Variants in BPTF observed in about 807,000 individuals in gnomAD.
BPTF encodes the protein bromodomain PHD finger transcription factor.
Under a neutral mutation model 292.5 loss-of-function variants are expected in BPTF, and 18 were observed. The ratio of observed to expected loss-of-function variants is 0.06; its 90% CI spans 0.04 to 0.09. The LOEUF (loss-of-function observed/expected upper bound fraction) is 0.09. Ranked by LOEUF, BPTF falls within the 10% of genes least tolerant of loss-of-function variation. The pLI, the probability that BPTF is intolerant of heterozygous loss-of-function variation, is 1.00. For missense variants in BPTF, 2,726 were observed against 3,498.7 expected (o/e 0.78, Z 5.57); for synonymous variants, 1,225 against 1,251.9 (o/e 0.98, Z 0.45).
chr17:67,875,110 G>C (rs2059975796), intron 4 of BPTF, 90 bp downstream of exon 4: 1 of 1,069,326 alleles, frequency 9.4e-7, no homozygotes, highest in Non-Finnish European at 1.4e-6. Context: ...GTGAAATATT[G>C]CAAGCAGCTA....
At chr17:67,952,968 CT>C (rs1269866010) in intron 23 of BPTF, among the ~76,000 whole-genome samples, 11 of 151,218 alleles carry the variant, frequency 7.3e-5, no homozygotes, top group Admixed American at 5.9e-4. Context: ...TTGTTCTTTA[CT>C]TTTTTTTTCG....
At chr17:67,918,675 C>A in intron 11 of BPTF, 39 bp from the exon 12 acceptor site, 1 of 1,579,006 alleles carries the variant, frequency 6.3e-7, no homozygotes, top group Non-Finnish European at 8.7e-7. Flanking sequence ...TATGTATATA[C>A]ATATAGATAT....
chr17:67,874,138 T>C (rs550769758), intron 3 of BPTF, among the ~76,000 whole-genome samples: 1 of 152,272 alleles, frequency 6.6e-6, no homozygotes, highest in African/African-American at 2.4e-5. Flanking sequence ...CCAAAGAATA[T>C]AATTAATATC....
At chr17:67,951,604 A>G (rs1406203328) in intron 23 of BPTF, 1 of 152,226 alleles carries the variant, frequency 6.6e-6, no homozygotes, top group Admixed American at 6.5e-5. Context: ...TTGCCCTTCA[A>G]AGCCAACAAA....
intron 1 of BPTF, among the ~76,000 whole-genome samples, chr17:67,852,801 T>G (rs570508208): frequency 3.7e-4 from 57 of 152,308 alleles, no homozygotes; most frequent in Admixed American, 1.8e-3. Flanking sequence ...GTTTGCCAAA[T>G]TACCTTCTAA....
intron 24 of BPTF, among the ~76,000 whole-genome samples, chr17:67,961,185 CACA>C (rs1379421650): frequency 6.6e-6 from 1 of 152,206 alleles, no homozygotes; most frequent in Non-Finnish European, 1.5e-5. Context: ...TGATTTCACA[CACA>C]ACTTCTTTGA....
Position 67,826,024 on chromosome 17 carries a change from C to T in BPTF, c.300C>T (p.Gly100=). Residue 100 remains glycine, a synonymous_variant, in exon 1 of 28, where the codon GGC becomes GGT. Transcript: ENST00000306378. The stretch of plus-strand genomic sequence containing the variant: ...GGGGGGGGCGAGGAGGCGGGGGCGG[C>T]AGGACGGGGGGCGGGGGCGGCGGCG... ...PGRGGRGGGG[G]RTGGGGGGGH... 2.5e-6 allele frequency: 3 copies of T among 1,188,536 alleles called. No individual in the cohort carries two copies. In the South Asian group the frequency reaches 1.2e-4, roughly 46 times the overall value. The allele number at this position is 1,188,536 out of a possible 1,614,324, so 73.6% of individuals were successfully genotyped here.
rs768345781 is a variant in BPTF, at chr17:67,911,158, G to A, written c.3274G>A (p.Gly1092Arg). The change falls in exon 11 of 28, where the codon GGA (glycine) becomes AGA (arginine). Residue 1092 changes from glycine (G) to arginine (R), a missense_variant. By Grantham distance (125) the Gly-to-Arg change is moderately radical. Around this residue, in one of 22 missense-constraint regions of BPTF, gnomAD observed 713 missense variants for 714.9 expected, o/e 1.00. Transcript: ENST00000306378. ...GTTGGAGGGTGGAATTAAGGGTATA[G>A]GAAAGACTTCTACAAATTCTTCAAA... ...IKLEGGIKGI[G>R]KTSTNSSKNL... 6 of 1,613,900 alleles carry A rather than the reference G, an allele frequency of 3.7e-6. No individual in the cohort carries two copies. Among genetic ancestry groups the A allele is most frequent in the Non-Finnish European group, 5.1e-6 (6 of 1,179,984 alleles).
intron 4 of BPTF, among the ~76,000 whole-genome samples, chr17:67,891,173 C>A (rs1205080568): frequency 6.6e-6 from 1 of 151,724 alleles, no homozygotes; most frequent in Non-Finnish European, 1.5e-5. Context: ...CAGAATGAGA[C>A]CCTGTCTCAA....
chr17:67,916,706 C>T (rs2063018081), intron 11 of BPTF, among the ~76,000 whole-genome samples: 1 of 144,724 alleles, frequency 6.9e-6, no homozygotes, highest in Admixed American at 7.2e-5. Flanking sequence ...GCGAAGGTTT[C>T]AGTGAGCCAA....
chr17:67,829,073 GA>G lies in BPTF; in HGVS notation c.613+2739del, dbSNP rs2056395329. Reference sequence around the variant, plus strand: ...TAATCTCTAAATACTTTGGATTTAGGAAACTAAAAATTGGTCTAATTGTTTT... The same window carrying G: ...TAATCTCTAAATACTTTGGATTTAGGAACTAAAAATTGGTCTAATTGTTTT... On this transcript the variant is annotated intron_variant, in intron 1 of 27. Transcript: ENST00000306378. Among the ~76,000 whole-genome samples the G allele has an allele frequency of 3.3e-5, 5 of 151,910 alleles. 1 individual carries two copies. In the South Asian group the frequency reaches 1.0e-3, roughly 32 times the overall value.
At chr17:67,950,239 C>T (rs531726534) in intron 23 of BPTF, among the ~76,000 whole-genome samples, 3 of 151,618 alleles carry the variant, frequency 2.0e-5, no homozygotes, top group African/African-American at 4.8e-5. Flanking sequence ...CCAACCTGGG[C>T]GACAGAGTGA....
At chr17:67,925,528 T>C (rs1402638920) in intron 15 of BPTF, among the ~76,000 whole-genome samples, 2 of 152,032 alleles carry the variant, frequency 1.3e-5, no homozygotes, top group Admixed American at 6.6e-5. Context: ...ATTTTAAAAA[T>C]AAAAATACAA....
At chr17:67,979,917 A>AT (rs2070124172) in intron 27 of BPTF, among the ~76,000 whole-genome samples, 1 of 151,892 alleles carries the variant, frequency 6.6e-6, no homozygotes, top group Admixed American at 6.6e-5. Context: ...GTGCACGCTT[A>AT]TAAGTCTCAG....
intron 1 of BPTF, among the ~76,000 whole-genome samples, chr17:67,843,947 T>C (rs1235126191): frequency 6.6e-6 from 1 of 150,750 alleles, no homozygotes; most frequent in Non-Finnish European, 1.5e-5. Context: ...TTATTATTAG[T>C]AGAGATGGGG....
intron 4 of BPTF, 55 bp downstream of exon 4, chr17:67,875,075 C>A: frequency 6.8e-7 from 1 of 1,465,522 alleles, no homozygotes; most frequent in Non-Finnish European, 9.4e-7. Flanking sequence ...TTTATGAAAT[C>A]TCCAGTTTTA....
At chr17:67,953,259 CCTT>C (rs2066560536) in intron 23 of BPTF, among the ~76,000 whole-genome samples, 2 of 148,704 alleles carry the variant, frequency 1.3e-5, no homozygotes, top group South Asian at 2.2e-4. Context: ...CCGCGCCTGG[CCTT>C]TTTTTTTTTT....
intron 1 of BPTF, 21 bp from the exon 2 acceptor site, chr17:67,853,919 A>G: frequency 6.4e-7 from 1 of 1,571,628 alleles, no homozygotes; most frequent in Non-Finnish European, 8.7e-7. Flanking sequence ...ATTTGTAATG[A>G]TGTCACGTCT....
At chr17:67,956,202 C>T (rs1377171460) in intron 23 of BPTF, 1 of 150,942 alleles carries the variant, frequency 6.6e-6, no homozygotes, top group Non-Finnish European at 1.5e-5. Context: ...GCCTGTAGTC[C>T]CAGCTACTCG....
Sources: gnomAD v4.1 joint callset for allele counts (sites outside exome capture counted in the v4.1 genomes callset) on GRCh38, gnomAD v4.1.1 for gene constraint, gnomAD v4.1.1 regional missense constraint, MANE v1.5 for transcripts, NCBI Gene and HGNC (gene_info 2026-07-23, HGNC 2026-07-21) for gene names.